The following PAPPA2 variants were observed in gnomAD, a reference collection of about 807,000 sequenced individuals.
PAPPA2 encodes pappalysin-2.
A neutral mutation model predicts 176.4 loss-of-function variants in PAPPA2; 86 were observed. That is an observed-to-expected ratio of 0.49 (90% confidence interval 0.41 to 0.58). PAPPA2 has a LOEUF of 0.58. Ranked by LOEUF, PAPPA2 falls within the 20% of genes least tolerant of loss-of-function variation. PAPPA2 has a pLI of 0.00. For missense variants in PAPPA2, 2,073 were observed against 2,256.9 expected, an observed-to-expected ratio of 0.92 and a Z score of 1.65; for synonymous variants, 809 against 852.2, an observed-to-expected ratio of 0.95 and a Z score of 0.88.
chr1:176,781,101 C>T lies in PAPPA2; in HGVS notation c.4716-8708C>T, dbSNP rs975716429. ...GCTGTTGAACTTGATGTGAGAGAGA[C>T]GAGGAAAGGAGATGTAGATGATTAA... is the stretch of plus-strand genomic sequence containing the variant. On this transcript the variant is annotated intron_variant, in intron 17 of 22. Transcript: ENST00000367662. 5.3e-5 allele frequency among the ~76,000 whole-genome samples: 8 copies of T among 151,688 alleles called. No individual in the cohort carries two copies. In the East Asian group the frequency reaches 5.8e-4, roughly 11 times the overall value.
At chr1:176,573,124 C>T (rs116168354) in intron 2 of PAPPA2, among the ~76,000 whole-genome samples, 128 of 152,212 alleles carry the variant, frequency 8.4e-4, no homozygotes, top group African/African-American at 2.6e-3. Flanking sequence ...TCTTCCAGGA[C>T]GACAGGTGCT....
intron 1 of PAPPA2, among the ~76,000 whole-genome samples, chr1:176,492,666 A>C (rs1373961912): frequency 6.6e-6 from 1 of 152,130 alleles, no homozygotes; most frequent in Admixed American, 6.6e-5. Context: ...TTCACGTTGG[A>C]GAGATGTTCA....
chr1:176,594,611 C>T lies in PAPPA2; in HGVS notation c.1007C>T (p.Ala336Val). 5 of 1,614,200 alleles carry T rather than the reference C, an allele frequency of 3.1e-6. No individual in the cohort carries two copies. Among genetic ancestry groups the T allele is most frequent in the Non-Finnish European group, 2.5e-6 (3 of 1,180,036 alleles). ...GGGAAGGACAAGGGAAAGCGGGATG[C>T]TCGCTTCTTCTTCTCCCTCTGCACC... ...RSGKDKGKRDARFFFSLCTDR... is the reference protein window; with the variant it reads ...RSGKDKGKRDVRFFFSLCTDR... The change falls in exon 3 of 23, where the codon GCT (alanine) becomes GTT (valine). Residue 336 changes from alanine to valine, a missense_variant. This residue lies in a region of PAPPA2 where 1,196 missense variants were observed against 1,330.4 expected (regional missense o/e 0.90). Transcript: ENST00000367662.
At chr1:176,581,846 T>G (rs962446258) in intron 2 of PAPPA2, among the ~76,000 whole-genome samples, 3 of 151,616 alleles carry the variant, frequency 2.0e-5, no homozygotes, top group African/African-American at 7.2e-5. Context: ...TTATAAGAGT[T>G]TTTTTTTAAA....
chr1:176,686,820 C>A (rs1389384918), intron 4 of PAPPA2, among the ~76,000 whole-genome samples: 1 of 152,180 alleles, frequency 6.6e-6, no homozygotes, highest in African/African-American at 2.4e-5. Context: ...CAATCTACCC[C>A]CTCATTTTAC....
At chr1:176,494,942 G>A (rs910311465) in intron 1 of PAPPA2, among the ~76,000 whole-genome samples, 2 of 152,118 alleles carry the variant, frequency 1.3e-5, no homozygotes, top group Non-Finnish European at 2.9e-5. Flanking sequence ...CATTTAATTA[G>A]GTAGGTGAAG....
At chr1:176,591,383 G>A (rs1052042946) in intron 2 of PAPPA2, among the ~76,000 whole-genome samples, 7 of 152,124 alleles carry the variant, frequency 4.6e-5, no homozygotes, top group African/African-American at 1.4e-4. Context: ...AACAAGACAG[G>A]TCAGTGTTGG....
At chr1:176,742,911 T>G (rs1297707387) in intron 14 of PAPPA2, among the ~76,000 whole-genome samples, 2 of 152,100 alleles carry the variant, frequency 1.3e-5, no homozygotes, top group African/African-American at 4.8e-5. Context: ...CATTTTGTAT[T>G]TAAACATTAA....
intron 14 of PAPPA2, among the ~76,000 whole-genome samples, chr1:176,747,564 T>C (rs1441434848): frequency 2.6e-5 from 4 of 152,196 alleles, no homozygotes; most frequent in Non-Finnish European, 1.5e-5. Flanking sequence ...GGAAACATAT[T>C]CTACTCTCTC....
chr1:176,688,228 G>T (rs1659940091), intron 4 of PAPPA2, among the ~76,000 whole-genome samples: 1 of 152,278 alleles, frequency 6.6e-6, no homozygotes, highest in South Asian at 2.1e-4. Context: ...GAAGTGTGGT[G>T]GAGGAAAAAG....
chr1:176,500,472 C>T (rs967877177), intron 1 of PAPPA2, among the ~76,000 whole-genome samples: 8 of 148,304 alleles, frequency 5.4e-5, no homozygotes, highest in African/African-American at 1.7e-4. Context: ...AATATGTGTA[C>T]ATATTTATAT....
chr1:176,576,472 GGGGT>G lies in PAPPA2; in HGVS notation c.920-18050_920-18047del, dbSNP rs919084321. 1.3e-4 allele frequency among the ~76,000 whole-genome samples: 7 copies of G among 55,156 alleles called. No homozygotes were observed. In the South Asian group the frequency reaches 3.1e-3, roughly 24 times the overall value. 36.2% of individuals were successfully genotyped at this position (55,156 alleles called of 152,430 possible). A position where few individuals can be genotyped will look rare whatever the true frequency, so the allele number is the denominator to read the frequency against. ...ATGGTCACTAGGGAAACACGTCAAT[GGGGT>G]GTGTGTGTGTGTGTGTGTGTGTTTG... On this transcript the variant is annotated intron_variant, in intron 2 of 22. Coordinates refer to ENST00000367662, the MANE Select transcript of PAPPA2 (RefSeq NM_020318.3).
chr1:176,516,291 T>C (rs1234220583), intron 1 of PAPPA2, among the ~76,000 whole-genome samples: 1 of 144,744 alleles, frequency 6.9e-6, no homozygotes, highest in Non-Finnish European at 1.5e-5. Context: ...TTTTTTTTTG[T>C]GACAGGCCTT....
chr1:176,663,936 C>T (rs1190318147), intron 3 of PAPPA2, among the ~76,000 whole-genome samples: 1 of 152,056 alleles, frequency 6.6e-6, no homozygotes, highest in African/African-American at 2.4e-5. Flanking sequence ...ATAAATTTTG[C>T]TATGTGGGTC....
chr1:176,756,733 T>G (rs1239947678), intron 14 of PAPPA2, among the ~76,000 whole-genome samples: 5 of 152,144 alleles, frequency 3.3e-5, no homozygotes, highest in African/African-American at 1.2e-4. Context: ...TATCATACTT[T>G]AAGTTCTAGG....
intron 3 of PAPPA2, among the ~76,000 whole-genome samples, chr1:176,621,512 C>T (rs1573141567): frequency 6.6e-6 from 1 of 152,244 alleles, no homozygotes; most frequent in South Asian, 2.1e-4. Flanking sequence ...CCCATAAGAC[C>T]TCACTCTTCT....
chr1:176,554,208 T>A (rs574000541), intron 1 of PAPPA2, among the ~76,000 whole-genome samples: 34 of 151,704 alleles, frequency 2.2e-4, no homozygotes, highest in Non-Finnish European at 4.6e-4. Flanking sequence ...GGTAGAGGAG[T>A]TTAGAAGATG....
In PAPPA2 at chr1:176,594,596, A is replaced by T. The variant is rs779477381; in HGVS notation, c.992A>T (p.Lys331Met). ...WALGIRSGKD[K>M]GKRDARFFFS... ...CTGGGGATCCGCTCAGGGAAGGACA[A>T]GGGAAAGCGGGATGCTCGCTTCTTC... is the stretch of plus-strand genomic sequence containing the variant. Residue 331 changes from lysine to methionine, a missense_variant, in exon 3 of 23, where the codon AAG becomes ATG. Lys to Met is a moderately conservative substitution (Grantham distance 95). Coordinates refer to ENST00000367662, the MANE Select transcript of PAPPA2 (RefSeq NM_020318.3). 1 of 1,614,092 alleles carries T rather than the reference A, an allele frequency of 6.2e-7. No individual in the cohort carries two copies. Among genetic ancestry groups the T allele is most frequent in the African/African-American group, 1.3e-5 (1 of 74,934 alleles).
Position 176,758,911 on chromosome 1 carries a change from T to C in PAPPA2, c.4152-6755T>C, listed in dbSNP as rs116114191. 5.2e-3 allele frequency among the ~76,000 whole-genome samples: 797 copies of C among 152,274 alleles called. 6 individuals are homozygous for C. Among genetic ancestry groups the C allele is most frequent in the Middle Eastern group, 0.01 (3 of 294 alleles). ...ACCATGTTAAAGCTGGAAGGGCCCT[T>C]TGATAGAAGTCAGTTCAACCCCATC... On this transcript the variant is annotated intron_variant, in intron 14 of 22. Coordinates refer to ENST00000367662, the MANE Select transcript of PAPPA2 (RefSeq NM_020318.3).
Sources: gnomAD v4.1 joint callset for allele counts (sites outside exome capture counted in the v4.1 genomes callset) on GRCh38, gnomAD v4.1.1 for gene constraint, gnomAD v4.1.1 regional missense constraint, MANE v1.5 for transcripts, NCBI Gene and HGNC (gene_info 2026-07-23, HGNC 2026-07-21) for gene names.